Variants in SENP1 observed in about 807,000 individuals in gnomAD.
SENP1 encodes the protein SUMO specific peptidase 1, also known as sentrin-specific protease 1.
Under a neutral mutation model 93.0 loss-of-function variants are expected in SENP1, and 21 were observed. The observed-to-expected ratio is 0.23, with a 90% confidence interval of 0.16 to 0.33. SENP1 has a LOEUF of 0.33. Among genes scored for constraint, SENP1 ranks in the 10% least tolerant of loss-of-function variants. The pLI, the probability that SENP1 is intolerant of heterozygous loss-of-function variation, is 1.00. For missense variants in SENP1, 591 were observed against 758.7 expected (o/e 0.78, Z 2.60); for synonymous variants, 256 against 259.6 (o/e 0.99, Z 0.13).
chr12:48,046,579 C>A (rs752155080), intron 16 of SENP1, 128 bp from the exon 17 acceptor site: 3 of 695,608 alleles, frequency 4.3e-6, no homozygotes, highest in Non-Finnish European at 7.6e-6. Flanking sequence ...TCTGGCCCCC[C>A]AGTCAGGACA....
chr12:48,094,335 A>G (rs531565902), intron 4 of SENP1, among the ~76,000 whole-genome samples: 2 of 152,128 alleles, frequency 1.3e-5, no homozygotes, highest in Admixed American at 6.5e-5. Flanking sequence ...AGCCATGAAC[A>G]TGTCACCACA....
At chr12:48,098,884 A>G (rs1945737851) in intron 2 of SENP1, among the ~76,000 whole-genome samples, 1 of 152,192 alleles carries the variant, frequency 6.6e-6, no homozygotes, top group Admixed American at 6.5e-5. Context: ...TCCCTCTTTC[A>G]TAGCTAACCA....
At chr12:48,057,716 A>G (rs1592321291) in intron 13 of SENP1, among the ~76,000 whole-genome samples, 1 of 148,424 alleles carries the variant, frequency 6.7e-6, no homozygotes, top group Non-Finnish European at 1.5e-5. Flanking sequence ...ATTCAAGTGA[A>G]TCTCCTGCCT....
chr12:48,047,296 T>A (rs1248417668), intron 15 of SENP1, among the ~76,000 whole-genome samples: 1 of 152,230 alleles, frequency 6.6e-6, no homozygotes, highest in Non-Finnish European at 1.5e-5. Context: ...AAAAGGAACA[T>A]GACCTCTGCC....
intron 13 of SENP1, among the ~76,000 whole-genome samples, chr12:48,058,824 C>T (rs556444094): frequency 6.6e-6 from 1 of 152,246 alleles, no homozygotes; most frequent in South Asian, 2.1e-4. Flanking sequence ...TCTTCTGGTA[C>T]AGGTCTGTTG....
chr12:48,059,104 A>T (rs1465183936), intron 13 of SENP1, among the ~76,000 whole-genome samples: 1 of 152,088 alleles, frequency 6.6e-6, no homozygotes, highest in East Asian at 1.9e-4. Flanking sequence ...TGTTTCTTCT[A>T]CTTGGGGTAT....
At chr12:48,052,263 A>C (rs1332399842) in intron 13 of SENP1, among the ~76,000 whole-genome samples, 1 of 152,220 alleles carries the variant, frequency 6.6e-6, no homozygotes. Context: ...TAAACCAGCC[A>C]AACTATTGTT....
chr12:48,087,454 G>A (rs578244122), intron 5 of SENP1, among the ~76,000 whole-genome samples: 1 of 152,060 alleles, frequency 6.6e-6, no homozygotes, highest in African/African-American at 2.4e-5. Flanking sequence ...GCTAAATGAT[G>A]CATATAGAAA....
At chr12:48,058,580 G>A (rs1469526561) in intron 13 of SENP1, among the ~76,000 whole-genome samples, 1 of 152,076 alleles carries the variant, frequency 6.6e-6, no homozygotes, top group East Asian at 1.9e-4. Context: ...ACCACTTTAT[G>A]TAGAGTAGAA....
chr12:48,089,270 T>G, intron 4 of SENP1: 1 of 1,388,436 alleles, frequency 7.2e-7, no homozygotes, highest in Non-Finnish European at 9.6e-7. Context: ...CAACTATATC[T>G]TGCAAGCACT....
intron 4 of SENP1, 74 bp from the exon 5 acceptor site, chr12:48,089,034 A>T: frequency 6.5e-7 from 1 of 1,538,092 alleles, no homozygotes; most frequent in South Asian, 1.2e-5. Context: ...ACCATGACCA[A>T]CCATTGTATT....
chr12:48,074,600 A>C lies in SENP1; in HGVS notation c.664T>G (p.Cys222Gly). 6.2e-7 allele frequency: 1 copy of C among 1,611,968 alleles called. No individual in the cohort carries two copies. The highest frequency in any genetic ancestry group is 8.5e-7 in the Non-Finnish European group (1 of 1,178,598). ...TTHFPLHLSR[C>G]LSSSKNTLKD... Reference sequence around the variant, plus strand: ...AAAGTATTTTTACTGGAACTAAGACATCGAGACCTAGCAAGAGAAGAATAT... The same window carrying C: ...AAAGTATTTTTACTGGAACTAAGACCTCGAGACCTAGCAAGAGAAGAATAT... The change falls in exon 8 of 18, where the codon TGT (cysteine) becomes GGT (glycine). Residue 222 changes from cysteine (C) to glycine (G), a missense_variant. This residue lies in a region of SENP1 where 7 missense variants were observed against 26.1 expected (regional missense o/e 0.27). Transcript: ENST00000549518.
At chr12:48,064,896 C>T (rs1217783708) in intron 12 of SENP1, among the ~76,000 whole-genome samples, 169 bp downstream of exon 12, 1 of 152,098 alleles carries the variant, frequency 6.6e-6, no homozygotes, top group Non-Finnish European at 1.5e-5. Context: ...AGGCTGGTCT[C>T]GAACTCCTAA....
chr12:48,047,807 T>C (rs12303317), intron 15 of SENP1, among the ~76,000 whole-genome samples, 194 bp downstream of exon 15: 2,295 of 152,314 alleles, frequency 0.015, 77 homozygotes, highest in African/African-American at 0.052. Context: ...ATTAGGATAG[T>C]AATTGCTCCC....
Position 48,048,981 on chromosome 12 carries a change from G to C in SENP1, c.1559C>G (p.Ser520Cys). Residue 520 changes from serine to cysteine, a missense_variant, in exon 14 of 18, where the codon TCT (serine) becomes TGT (cysteine). Physicochemically the swap from Ser to Cys is moderately radical, Grantham distance 112. Coordinates refer to ENST00000549518, the MANE Select transcript of SENP1 (RefSeq NM_001267594.2). ...KRWTKKVDVF[S>C]VDILLVPIHL... is the part of the protein sequence containing the mutation. ...AATGGGCACCAAAAGAATGTCAACA[G>C]AAAATACATCTACTTTCTTTGTCCA... The C allele has an allele frequency of 6.2e-7, 1 of 1,613,714 alleles. No individual in the cohort carries two copies. The highest frequency in any genetic ancestry group is 8.5e-7 in the Non-Finnish European group (1 of 1,179,718).
At chr12:48,085,095 A>T in intron 5 of SENP1, 1 of 1,376,136 alleles carries the variant, frequency 7.3e-7, no homozygotes, top group Non-Finnish European at 1.0e-6. Flanking sequence ...CGCAGTGATC[A>T]GAGACAAGGA....
intron 4 of SENP1, among the ~76,000 whole-genome samples, chr12:48,095,924 A>G (rs1450146186): frequency 6.6e-6 from 1 of 152,220 alleles, no homozygotes; most frequent in Non-Finnish European, 1.5e-5. Flanking sequence ...CTGCCCTGAA[A>G]GAAGGACAAG....
intron 9 of SENP1, among the ~76,000 whole-genome samples, chr12:48,068,428 C>T (rs1488348153): frequency 2.0e-5 from 3 of 152,256 alleles, no homozygotes; most frequent in Admixed American, 2.0e-4. Context: ...AATCCCTATA[C>T]TATTTAAACC....
chr12:48,056,587 A>C, intron 13 of SENP1, among the ~76,000 whole-genome samples: 1 of 65,766 alleles, frequency 1.5e-5, no homozygotes, highest in Non-Finnish European at 2.3e-5. Context: ...TATATTACAT[A>C]TATAAATATA....
Sources: allele counts gnomAD v4.1 joint callset (sites outside exome capture counted in the v4.1 genomes callset), GRCh38; gene constraint gnomAD v4.1.1; regional missense constraint gnomAD v4.1.1; transcripts MANE v1.5; gene names NCBI Gene and HGNC (gene_info 2026-07-23, HGNC 2026-07-21).